KLHL8: variants seen among roughly 807,000 people sequenced by gnomAD.
The protein encoded by KLHL8 is kelch-like protein 8.
In KLHL8, 38 loss-of-function variants were observed where a neutral mutation model predicts 63.5. The ratio of observed to expected loss-of-function variants is 0.60; its 90% CI spans 0.46 to 0.78. The LOEUF (loss-of-function observed/expected upper bound fraction) is 0.78. Ranked by LOEUF, KLHL8 falls within the 30% of genes least tolerant of loss-of-function variation. KLHL8 has a pLI of 0.00. For synonymous variants in KLHL8, 224 were observed against 254.3 expected, an observed-to-expected ratio of 0.88 and a Z score of 1.13; for missense variants, 566 against 752.4, an observed-to-expected ratio of 0.75 and a Z score of 2.90.
Position 87,170,062 on chromosome 4 carries a change from A to C in KLHL8, c.1537+17T>G. On this transcript the variant is annotated intron_variant, in intron 8 of 9. Coordinates refer to ENST00000273963, the MANE Select transcript of KLHL8 (RefSeq NM_020803.5). ...ATTGTATATACTGATATATTAGAGAAATACCCATTTACTCACCAACTACGT... is the reference window on the plus strand; with the variant it reads ...ATTGTATATACTGATATATTAGAGACATACCCATTTACTCACCAACTACGT... 1 of 1,602,368 alleles carries C rather than the reference A, an allele frequency of 6.2e-7. No homozygotes were observed. The highest frequency in any genetic ancestry group is 8.5e-7 in the Non-Finnish European group (1 of 1,171,042).
chr4:87,171,852 A>G (rs1053646967), intron 6 of KLHL8, among the ~76,000 whole-genome samples: 3 of 152,166 alleles, frequency 2.0e-5, no homozygotes, highest in Admixed American at 1.3e-4. Context: ...CTCCCTAAGC[A>G]TATCCCATTC....
intron 6 of KLHL8, among the ~76,000 whole-genome samples, chr4:87,172,898 T>C (rs1730687165): frequency 6.6e-6 from 1 of 152,162 alleles, no homozygotes; most frequent in Non-Finnish European, 1.5e-5. Context: ...TCCCCTATTA[T>C]TTAAATAAAA....
intron 1 of KLHL8, among the ~76,000 whole-genome samples, chr4:87,203,535 GAAA>G (rs565987676): frequency 1.2e-4 from 9 of 75,746 alleles, no homozygotes; most frequent in Non-Finnish European, 1.7e-4. Flanking sequence ...TCTCACAAAA[GAAA>G]AAAAAAAAAA....
chr4:87,226,747 A>AAT lies in KLHL8; in HGVS notation n.58-5359_58-5358dup, dbSNP rs1491175894. ...TATATAATATATATTATTTATATAT[A>AAT]ATATATATTATTTATATATAATATA... On this transcript the variant is annotated intron_variant and non_coding_transcript_variant, in intron 1 of 1. Transcript: ENST00000506274. 3.2e-3 allele frequency among the ~76,000 whole-genome samples: 65 copies of AAT among 20,534 alleles called. 22 individuals are homozygous for AAT. Among genetic ancestry groups the AAT allele is most frequent in the African/African-American group, 0.016 (55 of 3,464 alleles). The allele number at this position is 20,534 out of a possible 152,430, so 13.5% of individuals were successfully genotyped here. A position where few individuals can be genotyped will look rare whatever the true frequency, so the allele number is the denominator to read the frequency against.
chr4:87,205,645 G>A (rs116533799), intron 1 of KLHL8, among the ~76,000 whole-genome samples: 1,590 of 152,076 alleles, frequency 0.01, 19 homozygotes, highest in Middle Eastern at 0.017. Flanking sequence ...TGTATTTTTT[G>A]TAGAGATGGG....
chr4:87,222,771 A>C (rs1257896308), upstream of KLHL8, among the ~76,000 whole-genome samples: 1 of 150,408 alleles, frequency 6.6e-6, no homozygotes, highest in Non-Finnish European at 1.5e-5. Context: ...TTTAGTAGAG[A>C]CAGGGTTTTA....
At chr4:87,172,932 C>T (rs1730688278) in intron 6 of KLHL8, among the ~76,000 whole-genome samples, 1 of 152,170 alleles carries the variant, frequency 6.6e-6, no homozygotes, top group Non-Finnish European at 1.5e-5. Context: ...ATTTACTATA[C>T]ATGCATATTA....
chr4:87,202,460 G>A (rs796109437), intron 1 of KLHL8, among the ~76,000 whole-genome samples: 32 of 152,194 alleles, frequency 2.1e-4, no homozygotes, highest in African/African-American at 5.3e-4. Flanking sequence ...CAAAAAAGGC[G>A]GGGAGGGAAG....
intron 8 of KLHL8, among the ~76,000 whole-genome samples, chr4:87,166,628 C>T (rs1730410150): frequency 6.6e-6 from 1 of 152,210 alleles, no homozygotes; most frequent in Admixed American, 6.5e-5. Flanking sequence ...AACTGCATCA[C>T]TATAACTTGA....
At chr4:87,214,794 T>C (rs1291213120) in intron 1 of KLHL8, among the ~76,000 whole-genome samples, 1 of 151,876 alleles carries the variant, frequency 6.6e-6, no homozygotes, top group Non-Finnish European at 1.5e-5. Context: ...TTAAAGGTTT[T>C]TTTTTGGTTT....
chr4:87,208,436 G>A (rs905777245), intron 1 of KLHL8, among the ~76,000 whole-genome samples: 9 of 149,954 alleles, frequency 6.0e-5, no homozygotes, highest in Non-Finnish European at 1.3e-4. Context: ...GCACAATCTC[G>A]GCTTATCACA....
upstream of KLHL8, among the ~76,000 whole-genome samples, chr4:87,223,347 CT>C (rs1472724629): frequency 1.3e-5 from 2 of 152,234 alleles, no homozygotes; most frequent in Non-Finnish European, 2.9e-5. Flanking sequence ...TCTTTTTCTT[CT>C]GCTAATTGAC....
At chr4:87,168,288 G>A (rs138586652) in intron 8 of KLHL8, among the ~76,000 whole-genome samples, 10 of 152,266 alleles carry the variant, frequency 6.6e-5, no homozygotes, top group Non-Finnish European at 1.0e-4. Context: ...AGGGAACTAT[G>A]AGGGTTTTGC....
intron 1 of KLHL8, among the ~76,000 whole-genome samples, chr4:87,203,511 A>G (rs1731997541): frequency 1.3e-5 from 2 of 150,868 alleles, no homozygotes; most frequent in South Asian, 4.2e-4. Context: ...CCTGGGTGAC[A>G]GAGCAAGACT....
Position 87,225,688 on chromosome 4 carries a change from T to C in KLHL8, n.58-4298A>G, listed in dbSNP as rs532012062. On this transcript the variant is annotated intron_variant and non_coding_transcript_variant, in intron 1 of 1. Transcript: ENST00000506274. ...TCTTTACAGGCACACAGTTATTGTT[T>C]CCACTGAATATCTATTTTAGGTAGT... is the stretch of plus-strand genomic sequence containing the variant. Among the ~76,000 whole-genome samples the C allele has an allele frequency of 3.3e-5, 5 of 152,304 alleles. No homozygotes were observed. In the South Asian group the frequency reaches 1.0e-3, roughly 32 times the overall value.
At position 87,170,560 on chromosome 4, in the gene KLHL8, C is replaced by G. The variant is rs1179717676; in HGVS notation, c.1264G>C (p.Asp422His). The change falls in exon 7 of 10, where the codon GAT (aspartate) becomes CAT (histidine). Residue 422 changes from aspartate to histidine, a missense_variant. Transcript: ENST00000273963. Reference sequence around the variant, plus strand: ...ACATCATTGAAGCAAGTATTGTCATCTAACCCTCCAATTGCATAAATTGGG... The same window carrying G: ...ACATCATTGAAGCAAGTATTGTCATGTAACCCTCCAATTGCATAAATTGGG... The part of the protein sequence containing the change: ...GGPIYAIGGL[D>H]DNTCFNDVER... The G allele has an allele frequency of 6.2e-6, 10 of 1,613,894 alleles. No homozygotes were observed. Among genetic ancestry groups the G allele is most frequent in the Non-Finnish European group, 8.5e-6 (10 of 1,179,950 alleles).
chr4:87,179,685 G>A (rs773488466), intron 4 of KLHL8, among the ~76,000 whole-genome samples: 1 of 152,104 alleles, frequency 6.6e-6, no homozygotes, highest in South Asian at 2.1e-4. Context: ...GCTGAGGCAG[G>A]AGGATCACTT....
chr4:87,209,185 T>TG lies in KLHL8; in HGVS notation c.-152+11232_-152+11233insC, dbSNP rs987132092. Among the ~76,000 whole-genome samples the TG allele has an allele frequency of 5.3e-4, 81 of 151,852 alleles. No homozygotes were observed. In the Middle Eastern group the frequency reaches 0.017, roughly 32 times the overall value. ...CTCCAGAATTTAAAACAATCAGAAT[T>TG]TTTTTAAAAATATGCCTAAGATTCT... On this transcript the variant is annotated intron_variant, in intron 1 of 9. Transcript: ENST00000273963.
At chr4:87,223,462 A>G (rs780630933), upstream of KLHL8, among the ~76,000 whole-genome samples, 51 of 152,314 alleles carry the variant, frequency 3.3e-4, no homozygotes, top group Middle Eastern at 0.014. Flanking sequence ...TTTGAGCACC[A>G]GACACTGAGC....
Sources: gnomAD v4.1 joint callset for allele counts (sites outside exome capture counted in the v4.1 genomes callset) on GRCh38, gnomAD v4.1.1 for gene constraint, MANE v1.5 for transcripts, NCBI Gene and HGNC (gene_info 2026-07-23, HGNC 2026-07-21) for gene names.